The following TRPM3 variants were observed in gnomAD, a reference collection of about 807,000 sequenced individuals.
TRPM3 encodes transient receptor potential cation channel subfamily M member 3.
A neutral mutation model predicts 181.2 loss-of-function variants in TRPM3; 77 were observed. The ratio of observed to expected loss-of-function variants is 0.42; its 90% CI spans 0.35 to 0.51. The LOEUF (loss-of-function observed/expected upper bound fraction) is 0.51. Among genes scored for constraint, TRPM3 ranks in the 20% least tolerant of loss-of-function variants. The pLI is 0.01. For synonymous variants in TRPM3, 745 were observed against 796.4 expected (o/e 0.94, Z 1.09); for missense variants, 1,759 against 2,196.7 (o/e 0.80, Z 3.98).
At chr9:71,411,907 C>A (rs1446072272) in intron 1 of TRPM3, among the ~76,000 whole-genome samples, 1 of 152,118 alleles carries the variant, frequency 6.6e-6, no homozygotes, top group Non-Finnish European at 1.5e-5. Flanking sequence ...GAGACATAGA[C>A]CAACGGAACA....
At chr9:70,851,396 CATATT>C (rs1380179140) in intron 3 of TRPM3, among the ~76,000 whole-genome samples, 2 of 152,142 alleles carry the variant, frequency 1.3e-5, no homozygotes, top group African/African-American at 4.8e-5. Context: ...AGCTAAGTGA[CATATT>C]ATGGAGTTCA....
chr9:70,686,997 G>GT (rs994762084), intron 8 of TRPM3, among the ~76,000 whole-genome samples: 1 of 151,260 alleles, frequency 6.6e-6, no homozygotes, highest in Non-Finnish European at 1.5e-5. Flanking sequence ...ATTTTTGTAT[G>GT]TTTTTTAGAG....
intron 1 of TRPM3, among the ~76,000 whole-genome samples, chr9:71,136,449 G>A (rs2074772578): frequency 2.0e-5 from 3 of 152,198 alleles, no homozygotes; most frequent in African/African-American, 7.2e-5. Flanking sequence ...TGAGAAGGCA[G>A]TCCAGGGATA....
intron 1 of TRPM3, among the ~76,000 whole-genome samples, chr9:71,443,345 A>T (rs1282169223): frequency 1.3e-5 from 2 of 152,182 alleles, no homozygotes; most frequent in African/African-American, 4.8e-5. Flanking sequence ...AAAAAAAAAA[A>T]AGTCTTTTCA....
intron 1 of TRPM3, among the ~76,000 whole-genome samples, chr9:71,176,634 T>C (rs552226068): frequency 6.6e-6 from 1 of 152,184 alleles, no homozygotes; most frequent in East Asian, 1.9e-4. Context: ...TCTAAAGTAG[T>C]GTATAGTAAT....
At chr9:70,550,235 A>G (rs907685615) in intron 24 of TRPM3, among the ~76,000 whole-genome samples, 2 of 152,182 alleles carry the variant, frequency 1.3e-5, no homozygotes, top group Non-Finnish European at 1.5e-5. Flanking sequence ...AAGAGATTTT[A>G]CTTTCCTGAT....
chr9:70,795,003 C>G (rs1042127996), intron 6 of TRPM3, among the ~76,000 whole-genome samples: 1 of 152,160 alleles, frequency 6.6e-6, no homozygotes, highest in African/African-American at 2.4e-5. Flanking sequence ...GTCCTCATTC[C>G]CTAAACAATA....
upstream of TRPM3, among the ~76,000 whole-genome samples, chr9:71,123,332 G>A (rs2073837934): frequency 6.6e-6 from 1 of 152,224 alleles, no homozygotes; most frequent in Non-Finnish European, 1.5e-5. Context: ...GAATCAAGCT[G>A]CATGGTTCAA....
intron 1 of TRPM3, among the ~76,000 whole-genome samples, chr9:71,050,060 G>A (rs559360936): frequency 6.6e-6 from 1 of 152,268 alleles, no homozygotes; most frequent in African/African-American, 2.4e-5. Flanking sequence ...ATGGAATAAT[G>A]TGAAATGAAA....
chr9:70,835,901 C>T (rs1421700620), intron 5 of TRPM3, among the ~76,000 whole-genome samples: 1 of 152,004 alleles, frequency 6.6e-6, no homozygotes, highest in African/African-American at 2.4e-5. Context: ...CCAGAAACAT[C>T]CATCACCAGT....
intron 14 of TRPM3, 71 bp from the exon 15 acceptor site, chr9:70,621,344 T>C (rs2063606796): frequency 1.7e-6 from 2 of 1,175,748 alleles, no homozygotes; most frequent in Non-Finnish European, 2.4e-6. Context: ...AGAAGAGTCC[T>C]ATTATATATT....
chr9:70,907,314 T>C (rs1337572364), intron 1 of TRPM3, among the ~76,000 whole-genome samples: 1 of 152,212 alleles, frequency 6.6e-6, no homozygotes, highest in Non-Finnish European at 1.5e-5. Context: ...TTGTTTCAGT[T>C]GCATGCTGTG....
chr9:71,389,478 TG>T (rs2093008239), intron 1 of TRPM3, among the ~76,000 whole-genome samples: 1 of 152,134 alleles, frequency 6.6e-6, no homozygotes, highest in Non-Finnish European at 1.5e-5. Flanking sequence ...AGTCCCCTCC[TG>T]GGTATCTACC....
chr9:70,684,890 G>A (rs1205931014), intron 8 of TRPM3, among the ~76,000 whole-genome samples: 1 of 152,194 alleles, frequency 6.6e-6, no homozygotes, highest in Non-Finnish European at 1.5e-5. Flanking sequence ...CTAACCTTCT[G>A]AGTTGGGAAC....
At chr9:71,288,552 T>C (rs1307142632) in intron 1 of TRPM3, among the ~76,000 whole-genome samples, 1 of 151,974 alleles carries the variant, frequency 6.6e-6, no homozygotes, top group Non-Finnish European at 1.5e-5. Flanking sequence ...CAAACACACA[T>C]ACCAACTCAG....
chr9:70,846,350 T>G (rs774951681), intron 4 of TRPM3, 28 bp downstream of exon 4: 2 of 1,599,392 alleles, frequency 1.3e-6, no homozygotes, highest in East Asian at 4.5e-5. Context: ...TGGCCTATGT[T>G]GACTTTCTCT....
At chr9:71,429,770 T>A (rs2093928751) in intron 1 of TRPM3, among the ~76,000 whole-genome samples, 1 of 152,174 alleles carries the variant, frequency 6.6e-6, no homozygotes, top group Non-Finnish European at 1.5e-5. Context: ...GCACATAGGT[T>A]TGGAGTCAGA....
At chr9:71,377,868 T>C (rs916959880) in intron 1 of TRPM3, among the ~76,000 whole-genome samples, 9 of 152,102 alleles carry the variant, frequency 5.9e-5, no homozygotes, top group African/African-American at 1.9e-4. Context: ...TGGCTAATAT[T>C]ATGTTTATGG....
chr9:70,757,697 T>A (rs1211093948), intron 8 of TRPM3, among the ~76,000 whole-genome samples: 2 of 152,090 alleles, frequency 1.3e-5, no homozygotes, highest in Non-Finnish European at 2.9e-5. Flanking sequence ...ATAAACATAA[T>A]CCAACACATA....
Sources: gnomAD v4.1 joint callset for allele counts (sites outside exome capture counted in the v4.1 genomes callset) on GRCh38, gnomAD v4.1.1 for gene constraint, MANE v1.5 for transcripts, NCBI Gene and HGNC (gene_info 2026-07-23, HGNC 2026-07-21) for gene names.